The following ZNF280C variants were observed in gnomAD, a reference collection of about 807,000 sequenced individuals.
ZNF280C encodes zinc finger protein 280C.
ZNF280C carries 14 observed loss-of-function variants against 53.6 expected under a neutral mutation model. The observed-to-expected ratio is 0.26, with a 90% confidence interval of 0.17 to 0.41. The LOEUF (loss-of-function observed/expected upper bound fraction) is 0.41, where lower values mean the gene tolerates loss of function less well. ZNF280C is among the 10% of genes least tolerant of loss of function. The pLI is 1.00. For missense variants in ZNF280C, 416 were observed against 547.1 expected (o/e 0.76, Z 2.39); for synonymous variants, 203 against 181.1 (o/e 1.12, Z -0.97).
At chrX:130,226,638 G>C (rs2032223452) in intron 12 of ZNF280C, 121 bp downstream of exon 12, 1 of 740,274 alleles carries the variant, frequency 1.4e-6, no homozygotes, top group East Asian at 3.7e-5. Context: ...TTTCTGTCCA[G>C]AACAAATCTA....
At chrX:130,208,105 A>G (rs745882144) in intron 16 of ZNF280C, among the ~76,000 whole-genome samples, 4 of 112,348 alleles carry the variant, frequency 3.6e-5, no homozygotes, top group African/African-American at 1.3e-4. Context: ...TTATAGAAAT[A>G]CAAAATGCTA....
rs1164509002 is a variant in ZNF280C at position 130,231,822 on chromosome X, C to T, written c.772-1095G>A. On this transcript the variant is annotated intron_variant, in intron 8 of 18. Transcript: ENST00000370978. Reference sequence around the variant, plus strand: ...CAGGCGGATCACGAGGTCAGGAGTTCGAGACCAGCCTGGCCAATATGGTGA... The same window carrying T: ...CAGGCGGATCACGAGGTCAGGAGTTTGAGACCAGCCTGGCCAATATGGTGA... Among the ~76,000 whole-genome samples, 3 of 110,281 alleles carry T rather than the reference C, an allele frequency of 2.7e-5. No homozygotes were observed. In the Admixed American group the frequency reaches 2.9e-4, roughly 11 times the overall value.
At chrX:130,213,230 G>A (rs780626479) in intron 15 of ZNF280C, among the ~76,000 whole-genome samples, 14 of 111,287 alleles carry the variant, frequency 1.3e-4, no homozygotes, top group Admixed American at 4.8e-4. Context: ...AAAATTAGCC[G>A]GGCGTGGTGG....
At chrX:130,264,754 A>G (rs1425725187) in intron 1 of ZNF280C, among the ~76,000 whole-genome samples, 1 of 111,579 alleles carries the variant, frequency 9.0e-6, no homozygotes, top group Non-Finnish European at 1.9e-5. Context: ...TACTCATTCA[A>G]TATATGAAAG....
chrX:130,208,028 G>A (rs73634080), intron 16 of ZNF280C, among the ~76,000 whole-genome samples: 1 of 112,024 alleles, frequency 8.9e-6, no homozygotes, highest in African/African-American at 3.2e-5. Context: ...TATTATACAT[G>A]ATAGGTACAC....
chrX:130,219,181 T>C (rs1445561423), intron 13 of ZNF280C, among the ~76,000 whole-genome samples: 1 of 111,833 alleles, frequency 8.9e-6, no homozygotes, highest in Non-Finnish European at 1.9e-5. Flanking sequence ...ATTCAAGAGC[T>C]AACTTTATGT....
intron 6 of ZNF280C, 22 bp from the exon 7 acceptor site, chrX:130,236,661 G>A: frequency 9.5e-7 from 1 of 1,054,447 alleles, no homozygotes; most frequent in Non-Finnish European, 1.3e-6. Flanking sequence ...TAAATAGTGA[G>A]AAAGATATTT....
At chrX:130,231,959 G>A (rs1360315957) in intron 8 of ZNF280C, among the ~76,000 whole-genome samples, 3 of 107,947 alleles carry the variant, frequency 2.8e-5, no homozygotes, top group Admixed American at 9.9e-5. Flanking sequence ...CCCGTAAGGC[G>A]GAGGTTGAAG....
chrX:130,213,134 A>G (rs1171764196), intron 15 of ZNF280C, among the ~76,000 whole-genome samples: 4 of 110,530 alleles, frequency 3.6e-5, no homozygotes, highest in Non-Finnish European at 7.6e-5. Flanking sequence ...CGGGCGGATC[A>G]TGAGGTCAGG....
chrX:130,220,045 C>T (rs905226757), intron 13 of ZNF280C, among the ~76,000 whole-genome samples: 1 of 110,902 alleles, frequency 9.0e-6, no homozygotes, highest in Admixed American at 9.7e-5. Context: ...GTTAAAAATA[C>T]AGCATATTTA....
chrX:130,253,935 G>C (rs1478090899), intron 2 of ZNF280C, among the ~76,000 whole-genome samples: 1 of 112,002 alleles, frequency 8.9e-6, no homozygotes, highest in Non-Finnish European at 1.9e-5. Context: ...TGAAACTATA[G>C]ACAGAGCAAA....
In ZNF280C at chrX:130,236,659, G is replaced by A; in HGVS notation, c.494-20C>T. 9.5e-7 allele frequency: 1 copy of A among 1,056,002 alleles called. No individual in the cohort carries two copies. Among genetic ancestry groups the A allele is most frequent in the Non-Finnish European group, 1.3e-6 (1 of 778,804 alleles). The allele number at this position is 1,056,002 out of a possible 1,213,427, so 87.0% of individuals were successfully genotyped here. ...TCATACCTACAAAGATTTAAATAGTGAGAAAGATATTTGTAAATATTTCAG... is the reference window on the plus strand; with the variant it reads ...TCATACCTACAAAGATTTAAATAGTAAGAAAGATATTTGTAAATATTTCAG... On this transcript the variant is annotated intron_variant, in intron 6 of 18. Transcript: ENST00000370978.
chrX:130,252,136 C>T (rs1371385637), intron 2 of ZNF280C, among the ~76,000 whole-genome samples: 2 of 111,492 alleles, frequency 1.8e-5, no homozygotes, highest in East Asian at 2.8e-4. Context: ...AAACAAAAAA[C>T]GAAAAAACCA....
chrX:130,256,613 G>A (rs2032574523), intron 2 of ZNF280C, among the ~76,000 whole-genome samples: 1 of 109,779 alleles, frequency 9.1e-6, no homozygotes, highest in Admixed American at 9.8e-5. Flanking sequence ...AAAGAAGTGG[G>A]GGGGCGCGGT....
intron 3 of ZNF280C, 125 bp downstream of exon 3, chrX:130,246,734 T>C (rs1047983632): frequency 8.5e-6 from 7 of 827,451 alleles, no homozygotes; most frequent in Non-Finnish European, 1.2e-5. Context: ...TTACTGACCT[T>C]TACTCTCCCT....
At chrX:130,263,285 C>T (rs2032650307) in intron 1 of ZNF280C, among the ~76,000 whole-genome samples, 1 of 112,293 alleles carries the variant, frequency 8.9e-6, no homozygotes, top group African/African-American at 3.2e-5. Context: ...TCACAATAGC[C>T]AAAAAGTGGA....
chrX:130,252,167 C>G (rs2032520397), intron 2 of ZNF280C, among the ~76,000 whole-genome samples: 2 of 111,974 alleles, frequency 1.8e-5, no homozygotes, highest in Admixed American at 1.9e-4. Context: ...AACCAAAAAG[C>G]TTTCATGCCA....
rs777444079 is a variant in ZNF280C at position 130,230,758 on chromosome X, T to A, written c.772-31A>T. On this transcript the variant is annotated intron_variant, in intron 8 of 18. Coordinates refer to ENST00000370978, the MANE Select transcript of ZNF280C (RefSeq NM_017666.5). ...AGAGGAAAAAAATATGAGCCTTGTC[T>A]ACAGCTCTTTTAAAGATTAGATACC... 3 of 979,146 alleles carry A rather than the reference T, an allele frequency of 3.1e-6. No individual in the cohort carries two copies. The South Asian group carries it at 6.8e-5, about 22-fold the overall frequency. The allele number at this position is 979,146 out of a possible 1,213,427, so 80.7% of individuals were successfully genotyped here. A position where few individuals can be genotyped will look rare whatever the true frequency, so the allele number is the denominator to read the frequency against.
At position 130,246,921 on chromosome X, in the gene ZNF280C, T is replaced by C; in HGVS notation, c.116A>G (p.Asp39Gly). 8.3e-7 allele frequency: 1 copy of C among 1,211,567 alleles called. No individual in the cohort carries two copies. Among genetic ancestry groups the C allele is most frequent in the East Asian group, 3.0e-5 (1 of 33,852 alleles). Reference sequence around the variant, plus strand: ...AAAGATCAGTTCATCGTCATCCTCATCCTGAGTTTCTTCTACTTTCTTCTG... The same window carrying C: ...AAAGATCAGTTCATCGTCATCCTCACCCTGAGTTTCTTCTACTTTCTTCTG... ...PWQKKVEETQ[D>G]EDDDELIFVG... The change falls in exon 3 of 19, where the codon GAT (aspartate) becomes GGT (glycine). Residue 39 changes from aspartate to glycine, a missense_variant. By Grantham distance (94) the Asp-to-Gly change is moderately conservative (BLOSUM62 -1). Transcript: ENST00000370978.
Sources: gnomAD v4.1 joint callset for allele counts (sites outside exome capture counted in the v4.1 genomes callset) on GRCh38, gnomAD v4.1.1 for gene constraint, MANE v1.5 for transcripts, NCBI Gene and HGNC (gene_info 2026-07-23, HGNC 2026-07-21) for gene names.